Variants in KCND3 observed in about 807,000 individuals in gnomAD.
The protein encoded by KCND3 is A-type voltage-gated potassium channel KCND3.
In KCND3, 9 loss-of-function variants were observed where a neutral mutation model predicts 51.1. That is an observed-to-expected ratio of 0.18 (90% CI 0.11 to 0.31). KCND3 has a LOEUF of 0.31. Among genes scored for constraint, KCND3 ranks in the 10% least tolerant of loss-of-function variants. The probability of loss-of-function intolerance (pLI) is 1.00; values close to 1 mark genes in which losing one functional copy is unlikely to be tolerated. For synonymous variants in KCND3, 349 were observed against 368.0 expected (o/e 0.95, Z 0.59); for missense variants, 526 against 903.8 (o/e 0.58, Z 5.36).
At chr1:111,786,796 T>A in intron 3 of KCND3, 148 bp downstream of exon 3, 2 of 884,150 alleles carry the variant, frequency 2.3e-6, no homozygotes, top group Non-Finnish European at 3.7e-6. Flanking sequence ...AGGAGACTGG[T>A]GAGCAGGAAG....
chr1:111,898,704 A>G (rs1287530552), intron 2 of KCND3, among the ~76,000 whole-genome samples: 2 of 152,200 alleles, frequency 1.3e-5, no homozygotes, highest in East Asian at 3.8e-4. Flanking sequence ...GCTGAGTCCA[A>G]GGGAAAGGGC....
chr1:111,788,486 C>G (rs1664700453), intron 2 of KCND3, among the ~76,000 whole-genome samples: 1 of 152,212 alleles, frequency 6.6e-6, no homozygotes, highest in African/African-American at 2.4e-5. Context: ...CAGAGGTAGA[C>G]AGGTATTCGG....
At chr1:111,792,533 C>G (rs148621207) in intron 2 of KCND3, among the ~76,000 whole-genome samples, 8 of 152,304 alleles carry the variant, frequency 5.3e-5, no homozygotes, top group Non-Finnish European at 7.3e-5. Flanking sequence ...CACCTCCGCT[C>G]AGTAGCAGCA....
rs577527771 is a variant in KCND3, at chr1:111,915,549, G to A, written c.1106+66072C>T. Among the ~76,000 whole-genome samples, 37 of 151,976 alleles carry A rather than the reference G, an allele frequency of 2.4e-4. 1 individual carries two copies. Among genetic ancestry groups the A allele is most frequent in the African/African-American group, 8.4e-4 (35 of 41,468 alleles). ...GGGAGGATCACGAGGTCAGGAGATCGAGCCCATCCTGGCTAACATGGTGAA... is the reference window on the plus strand; with the variant it reads ...GGGAGGATCACGAGGTCAGGAGATCAAGCCCATCCTGGCTAACATGGTGAA... On this transcript the variant is annotated intron_variant, in intron 2 of 7. Transcript: ENST00000302127.
intron 2 of KCND3, among the ~76,000 whole-genome samples, chr1:111,911,470 C>T (rs1487693440): frequency 1.3e-5 from 2 of 152,190 alleles, no homozygotes; most frequent in African/African-American, 4.8e-5. Context: ...TGTAGTATAA[C>T]AAAAGCTGAG....
chr1:111,925,093 AG>A (rs546019368), intron 2 of KCND3, among the ~76,000 whole-genome samples: 3 of 152,214 alleles, frequency 2.0e-5, no homozygotes, highest in Non-Finnish European at 4.4e-5. Context: ...GCTGACTGCC[AG>A]GGTACCAGGG....
chr1:111,894,671 C>G (rs189917292), intron 2 of KCND3, among the ~76,000 whole-genome samples: 139 of 152,338 alleles, frequency 9.1e-4, no homozygotes, highest in Middle Eastern at 3.4e-3. Context: ...AAGCTCCTAG[C>G]TGGGACTGGC....
intron 2 of KCND3, among the ~76,000 whole-genome samples, chr1:111,821,643 C>G (rs1033269777): frequency 6.6e-6 from 1 of 152,054 alleles, no homozygotes; most frequent in Non-Finnish European, 1.5e-5. Flanking sequence ...CTGGAAACAC[C>G]CAGTGGTGAG....
chr1:111,864,839 G>A (rs866713420), intron 2 of KCND3, among the ~76,000 whole-genome samples: 11 of 152,286 alleles, frequency 7.2e-5, no homozygotes, highest in Middle Eastern at 3.4e-3. Flanking sequence ...ACAGTAGTGT[G>A]CATGTTTGTG....
At position 111,912,120 on chromosome 1, in the gene KCND3, C is replaced by G. The variant is rs117893995; in HGVS notation, c.1106+69501G>C. Among the ~76,000 whole-genome samples the G allele has an allele frequency of 2.0e-4, 31 of 152,380 alleles. 1 individual carries two copies. The East Asian group carries it at 5.8e-3, about 28-fold the overall frequency. On this transcript the variant is annotated intron_variant, in intron 2 of 7. Transcript: ENST00000302127. ...CTGGAGAAAGAACCATCGCAAAGCA[C>G]TAAGCCAAATGATTTCCAGAACTGG... is the stretch of plus-strand genomic sequence containing the variant.
intron 2 of KCND3, among the ~76,000 whole-genome samples, chr1:111,914,895 C>T (rs1671121605): frequency 1.3e-5 from 2 of 152,136 alleles, no homozygotes; most frequent in South Asian, 2.1e-4. Flanking sequence ...TTTGAAGTCT[C>T]TTTAAAAGTG....
intron 2 of KCND3, among the ~76,000 whole-genome samples, chr1:111,861,380 T>G (rs1291585463): frequency 6.6e-6 from 1 of 152,096 alleles, no homozygotes; most frequent in African/African-American, 2.4e-5. Flanking sequence ...TATGTGTAGA[T>G]TTAGGGATCC....
At chr1:111,933,268 C>T (rs546938640) in intron 2 of KCND3, among the ~76,000 whole-genome samples, 2 of 152,180 alleles carry the variant, frequency 1.3e-5, no homozygotes, top group Admixed American at 6.5e-5. Flanking sequence ...TATAAATTAC[C>T]CAGTCTCTGG....
intron 2 of KCND3, among the ~76,000 whole-genome samples, chr1:111,922,977 C>A (rs937219740): frequency 1.3e-5 from 2 of 152,218 alleles, no homozygotes; most frequent in South Asian, 2.1e-4. Flanking sequence ...ACATTCAGAT[C>A]TGATCATCCC....
In KCND3 at chr1:111,877,442, C is replaced by T. The variant is rs188205490; in HGVS notation, c.1107-90336G>A. On this transcript the variant is annotated intron_variant, in intron 2 of 7. Transcript: ENST00000302127. ...GGGATGGGGAGGCAAGGGCAGGGCA[C>T]CTTAAGTTGCCTGTAGGAGGGGACT... is the stretch of plus-strand genomic sequence containing the variant. Among the ~76,000 whole-genome samples the T allele has an allele frequency of 1.3e-3, 200 of 152,284 alleles. 1 individual carries two copies. The highest frequency in any genetic ancestry group is 2.9e-3 in the South Asian group (14 of 4,824).
intron 2 of KCND3, among the ~76,000 whole-genome samples, chr1:111,844,197 G>A (rs1667451317): frequency 1.3e-5 from 2 of 152,200 alleles, no homozygotes; most frequent in African/African-American, 4.8e-5. Flanking sequence ...GGAAGAACAT[G>A]AGATGAAAGC....
chr1:111,965,110 C>T (rs992756998), intron 2 of KCND3, among the ~76,000 whole-genome samples: 1 of 150,672 alleles, frequency 6.6e-6, no homozygotes, highest in African/African-American at 2.4e-5. Context: ...AACAGGACTG[C>T]AAGTCCAAGG....
At chr1:111,854,508 C>T (rs1667968320) in intron 2 of KCND3, among the ~76,000 whole-genome samples, 1 of 152,096 alleles carries the variant, frequency 6.6e-6, no homozygotes, top group Non-Finnish European at 1.5e-5. Flanking sequence ...GAAACCAAGA[C>T]CTGTGGGAGG....
rs115450855 is a variant in KCND3, at chr1:111,902,730, A to C, written c.1106+78891T>G. On this transcript the variant is annotated intron_variant, in intron 2 of 7. Transcript: ENST00000302127. ...CTGATCCTTTGTTTTCTCATCTGCAAAATAGGGATAGCAATATCTACCTTG... is the reference window on the plus strand; with the variant it reads ...CTGATCCTTTGTTTTCTCATCTGCACAATAGGGATAGCAATATCTACCTTG... Among the ~76,000 whole-genome samples the C allele has an allele frequency of 6.9e-3, 1,046 of 152,328 alleles. 10 individuals are homozygous for C. Among genetic ancestry groups the C allele is most frequent in the Non-Finnish European group, 7.6e-3 (515 of 68,032 alleles).
Sources: gnomAD v4.1 joint callset for allele counts (sites outside exome capture counted in the v4.1 genomes callset) on GRCh38, gnomAD v4.1.1 for gene constraint, MANE v1.5 for transcripts, NCBI Gene and HGNC (gene_info 2026-07-23, HGNC 2026-07-21) for gene names.